The following BLMH variants were observed in gnomAD, a reference collection of about 807,000 sequenced individuals.
BLMH encodes BLM hydrolase.
A neutral mutation model predicts 61.6 loss-of-function variants in BLMH; 32 were observed. That is an observed-to-expected ratio of 0.52 (90% CI 0.39 to 0.70). The LOEUF (loss-of-function observed/expected upper bound fraction) is 0.70. Ranked by LOEUF, BLMH falls within the 30% of genes least tolerant of loss-of-function variation. The pLI is 0.00. For synonymous variants in BLMH, 183 were observed against 193.8 expected (o/e 0.94, Z 0.46); for missense variants, 460 against 555.5 (o/e 0.83, Z 1.73).
chr17:30,258,196 T>C lies in BLMH; in HGVS notation c.1216+8689A>G, dbSNP rs748124333. On this transcript the variant is annotated intron_variant, in intron 11 of 11. Coordinates refer to ENST00000261714, the MANE Select transcript of BLMH (RefSeq NM_000386.4). Reference sequence around the variant, plus strand: ...TTCTAAGTGCATGTATTTAGAAAGATAGATAACAGGATGGGTTGGATGTTT... The same window carrying C: ...TTCTAAGTGCATGTATTTAGAAAGACAGATAACAGGATGGGTTGGATGTTT... Among the ~76,000 whole-genome samples, 122 of 150,904 alleles carry C rather than the reference T, an allele frequency of 8.1e-4. 2 individuals are homozygous for C. Among genetic ancestry groups the C allele is most frequent in the Non-Finnish European group, 9.6e-4 (65 of 67,800 alleles).
rs755222331 is a variant in BLMH, at chr17:30,285,376, T to C, written c.645+12A>G. The stretch of plus-strand genomic sequence containing the variant: ...TAGAGGGGTCACAAAAAAATCCAAA[T>C]TTTGTTATTACCTCCTCCATCATGA... On this transcript the variant is annotated intron_variant, in intron 6 of 11. Transcript: ENST00000261714. The C allele has an allele frequency of 3.7e-5, 59 of 1,599,426 alleles. No homozygotes were observed. The highest frequency in any genetic ancestry group is 5.0e-5 in the Non-Finnish European group (59 of 1,172,034).
intron 3 of BLMH, 35 bp from the exon 4 acceptor site, chr17:30,287,982 A>G (rs201644080): frequency 6.3e-7 from 1 of 1,576,070 alleles, no homozygotes; most frequent in East Asian, 2.2e-5. Context: ...ACATTAAAAG[A>G]AAAAAGTGTC....
In BLMH at chr17:30,248,824, T is replaced by C; in HGVS notation, c.*193A>G. On this transcript the variant is annotated 3_prime_UTR_variant, in exon 12 of 12. Transcript: ENST00000261714. ...TAGTATGACCTGATCTTCCCCCCTCTTTTTTTTCCTTTAACAGTATTCTGT... is the reference window on the plus strand; with the variant it reads ...TAGTATGACCTGATCTTCCCCCCTCCTTTTTTTCCTTTAACAGTATTCTGT... 1.7e-6 allele frequency: 1 copy of C among 601,594 alleles called. No homozygotes were observed. Among genetic ancestry groups the C allele is most frequent in the Non-Finnish European group, 2.8e-6 (1 of 354,014 alleles). The allele number at this position is 601,594 out of a possible 1,614,324, so 37.3% of individuals were successfully genotyped here.
chr17:30,285,678 A>G (rs1329046319), intron 5 of BLMH, 198 bp from the exon 6 acceptor site: 6 of 439,376 alleles, frequency 1.4e-5, no homozygotes, highest in South Asian at 8.3e-5. Flanking sequence ...GAGAAAAGGC[A>G]TAAGTTACTC....
intron 6 of BLMH, among the ~76,000 whole-genome samples, chr17:30,275,578 C>T (rs1227997562): frequency 2.6e-5 from 4 of 151,568 alleles, no homozygotes; most frequent in Admixed American, 6.6e-5. Flanking sequence ...CCCAGCTACT[C>T]GGGAGGCTGA....
chr17:30,260,880 T>TAAC lies in BLMH; in HGVS notation c.1216+6002_1216+6004dup, dbSNP rs371906610. Among the ~76,000 whole-genome samples the TAAC allele has an allele frequency of 6.2e-3, 942 of 151,822 alleles. 12 individuals are homozygous for TAAC. Among genetic ancestry groups the TAAC allele is most frequent in the African/African-American group, 0.019 (777 of 41,366 alleles). ...CCTGGGTAGACAGAGCAAGACTCCA[T>TAAC]AACAACAACAACAACAACAACGGCA... is the stretch of plus-strand genomic sequence containing the variant. On this transcript the variant is annotated intron_variant, in intron 11 of 11. Coordinates refer to ENST00000261714, the MANE Select transcript of BLMH (RefSeq NM_000386.4).
At chr17:30,260,727 A>AC (rs1907934804) in intron 11 of BLMH, among the ~76,000 whole-genome samples, 1 of 151,966 alleles carries the variant, frequency 6.6e-6, no homozygotes, top group Non-Finnish European at 1.5e-5. Flanking sequence ...AAAAATACAA[A>AC]AAAAAATTAG....
intron 11 of BLMH, among the ~76,000 whole-genome samples, chr17:30,255,577 C>CT (rs1286405042): frequency 6.6e-6 from 1 of 152,154 alleles, no homozygotes; most frequent in Non-Finnish European, 1.5e-5. Flanking sequence ...TGTAAAGTGT[C>CT]TGTCTGAGAA....
intron 5 of BLMH, 43 bp downstream of exon 5, chr17:30,286,770 GA>G: frequency 7.1e-7 from 1 of 1,413,516 alleles, no homozygotes; most frequent in East Asian, 2.3e-5. Flanking sequence ...AAGTTTGAAG[GA>G]AAGTACACTA....
At position 30,287,905 on chromosome 17, in the gene BLMH, CTG is replaced by C; in HGVS notation, c.362_363del (p.Thr121SerfsTer7). 6.2e-7 allele frequency: 1 copy of C among 1,614,066 alleles called. No individual in the cohort carries two copies. Among genetic ancestry groups the C allele is most frequent in the Non-Finnish European group, 8.5e-7 (1 of 1,179,964 alleles). On this transcript the variant is annotated frameshift_variant, in exon 4 of 12. Coordinates refer to ENST00000261714, the MANE Select transcript of BLMH (RefSeq NM_000386.4). LOFTEE classifies it high-confidence loss of function. ...CCATCCTCAGGCTCCTTTCTCTGGG[CTG>C]TGTCCACAAAAGCACTCAAGAAGAA... is the stretch of plus-strand genomic sequence containing the variant. ...CYFFLSAFVD[T>X]AQRKEPEDGR...
intron 6 of BLMH, among the ~76,000 whole-genome samples, chr17:30,277,948 T>A (rs1399934970): frequency 1.3e-5 from 2 of 152,156 alleles, no homozygotes; most frequent in Non-Finnish European, 1.5e-5. Flanking sequence ...TAGATTCTAG[T>A]AAAACTTTGT....
At chr17:30,271,419 G>A in intron 9 of BLMH, 31 bp from the exon 10 acceptor site, 5 of 1,562,528 alleles carry the variant, frequency 3.2e-6, no homozygotes, top group East Asian at 2.2e-5. Context: ...CAAAATAAAG[G>A]GAGTACGATC....
chr17:30,259,106 TGA>T (rs1018767958), intron 11 of BLMH, among the ~76,000 whole-genome samples: 4 of 152,226 alleles, frequency 2.6e-5, no homozygotes, highest in African/African-American at 9.6e-5. Context: ...ATCCCGTGTG[TGA>T]CTCTGCGCTT....
At chr17:30,273,993 C>A (rs1908349464) in intron 7 of BLMH, 49 bp downstream of exon 7, 1 of 1,600,946 alleles carries the variant, frequency 6.2e-7, no homozygotes, top group Non-Finnish European at 8.5e-7. Flanking sequence ...CTGTGGTTAA[C>A]AGCCATTTGA....
At chr17:30,285,091 G>A (rs543463156) in intron 6 of BLMH, among the ~76,000 whole-genome samples, 1 of 152,232 alleles carries the variant, frequency 6.6e-6, no homozygotes, top group African/African-American at 2.4e-5. Flanking sequence ...CAGTGACTAT[G>A]TCTTTCTCAT....
chr17:30,285,090 T>C (rs1013349757), intron 6 of BLMH, among the ~76,000 whole-genome samples: 1 of 152,218 alleles, frequency 6.6e-6, no homozygotes, highest in Non-Finnish European at 1.5e-5. Flanking sequence ...GCAGTGACTA[T>C]GTCTTTCTCA....
rs532725259 is a variant in BLMH, at chr17:30,291,366, C to T, written c.156G>A (p.Val52=). 2.5e-6 allele frequency: 4 copies of T among 1,612,862 alleles called. No homozygotes were observed. Among genetic ancestry groups the T allele is most frequent in the East Asian group, 2.2e-5 (1 of 44,878 alleles). The change falls in exon 2 of 12, where the codon GTG becomes GTA. Residue 52 remains valine (V), a synonymous_variant. Transcript: ENST00000261714. ...CCTCCTGGGGCACGGCGTGCTGGAA[C>T]ACATGCTGCGCGCGCTGCACCGTGG... ...KRATVQRAQH[V]FQHAVPQEGK...
intron 11 of BLMH, among the ~76,000 whole-genome samples, chr17:30,266,212 T>C (rs562804558): frequency 1.3e-4 from 20 of 152,224 alleles, no homozygotes; most frequent in Non-Finnish European, 2.6e-4. Context: ...TCTGACTTTC[T>C]AGAGTACTGA....
At chr17:30,262,681 G>C (rs1597658974) in intron 11 of BLMH, among the ~76,000 whole-genome samples, 1 of 152,274 alleles carries the variant, frequency 6.6e-6, no homozygotes, top group East Asian at 1.9e-4. Context: ...TGTAGTCCCA[G>C]CTACTTGGGA....
Sources: gnomAD v4.1 joint callset for allele counts (sites outside exome capture counted in the v4.1 genomes callset) on GRCh38, gnomAD v4.1.1 for gene constraint, MANE v1.5 for transcripts, NCBI Gene and HGNC (gene_info 2026-07-23, HGNC 2026-07-21) for gene names.